Variants in STX8 observed in about 807,000 individuals in gnomAD.
STX8 encodes syntaxin 8, also known as syntaxin-8.
STX8 carries 23 observed loss-of-function variants against 37.5 expected under a neutral mutation model. That is an observed-to-expected ratio of 0.61 (90% CI 0.44 to 0.87). The LOEUF (loss-of-function observed/expected upper bound fraction) is 0.87. Among genes scored for constraint, STX8 ranks in the 40% least tolerant of loss-of-function variants. The pLI, the probability that STX8 is intolerant of heterozygous loss-of-function variation, is 0.00. For missense variants in STX8, 313 were observed against 284.7 expected (o/e 1.10, Z -0.71); for synonymous variants, 115 against 99.1 (o/e 1.16, Z -0.95).
chr17:9,457,857 C>T (rs928748166), intron 6 of STX8, among the ~76,000 whole-genome samples: 5 of 152,296 alleles, frequency 3.3e-5, no homozygotes, highest in Non-Finnish European at 5.9e-5. Flanking sequence ...TTGGCTGAAA[C>T]GGGTTACCTG....
At chr17:9,369,320 C>A (rs547722332) in intron 7 of STX8, among the ~76,000 whole-genome samples, 21 of 152,148 alleles carry the variant, frequency 1.4e-4, no homozygotes, top group African/African-American at 5.1e-4. Flanking sequence ...GAAAAAGGGG[C>A]CAAGAGATTT....
intron 6 of STX8, among the ~76,000 whole-genome samples, chr17:9,392,458 T>G (rs551118706): frequency 6.6e-6 from 1 of 152,046 alleles, no homozygotes; most frequent in East Asian, 1.9e-4. Flanking sequence ...AAATAAAAAA[T>G]TAGCTGGGCA....
intron 7 of STX8, among the ~76,000 whole-genome samples, chr17:9,324,086 C>CCTCT (rs149631075): frequency 2.1e-4 from 30 of 144,144 alleles, no homozygotes; most frequent in East Asian, 1.7e-3. Flanking sequence ...TCAGGGCATC[C>CCTCT]CTCTCTCTCT....
intron 6 of STX8, among the ~76,000 whole-genome samples, chr17:9,468,725 C>A (rs930251985): frequency 2.6e-5 from 4 of 152,198 alleles, no homozygotes; most frequent in African/African-American, 9.6e-5. Flanking sequence ...AAGGACCCGG[C>A]CTTCCCAGGG....
intron 7 of STX8, among the ~76,000 whole-genome samples, chr17:9,362,041 T>C (rs1056366320): frequency 2.0e-5 from 3 of 152,124 alleles, no homozygotes; most frequent in Non-Finnish European, 4.4e-5. Flanking sequence ...CTTTTAAACA[T>C]GTAACTAGGC....
At chr17:9,395,632 G>A (rs922100227) in intron 6 of STX8, among the ~76,000 whole-genome samples, 2 of 152,088 alleles carry the variant, frequency 1.3e-5, no homozygotes, top group African/African-American at 4.8e-5. Context: ...TAAGGTATAG[G>A]TCCTTTGGGT....
chr17:9,317,720 T>C (rs1909432520), intron 7 of STX8, among the ~76,000 whole-genome samples: 2 of 150,690 alleles, frequency 1.3e-5, no homozygotes, highest in Non-Finnish European at 2.9e-5. Context: ...GAGCCGAGAT[T>C]GCACCACTGC....
intron 6 of STX8, among the ~76,000 whole-genome samples, chr17:9,448,295 G>A (rs1316756605): frequency 6.6e-6 from 1 of 151,984 alleles, no homozygotes; most frequent in East Asian, 1.9e-4. Context: ...AGAGTCATTC[G>A]TGAACATGCA....
At chr17:9,333,561 G>A (rs1156320008) in intron 7 of STX8, among the ~76,000 whole-genome samples, 1 of 151,626 alleles carries the variant, frequency 6.6e-6, no homozygotes, top group Admixed American at 6.6e-5. Flanking sequence ...CTAATATTTT[G>A]TATTTTTTTA....
In STX8 at chr17:9,440,067, G is replaced by GTT. The variant is rs1156429684; in HGVS notation, c.541+51761_541+51762insAA. Among the ~76,000 whole-genome samples the GTT allele has an allele frequency of 1.2e-3, 176 of 152,238 alleles. 2 individuals are homozygous for GTT. Among genetic ancestry groups the GTT allele is most frequent in the African/African-American group, 4.2e-3 (173 of 41,530 alleles). ...AGCCTAAATATAGTGGTGGCATAAAGTAGGTCATTTCCAGAACCATGGAAA... is the reference window on the plus strand; with the variant it reads ...AGCCTAAATATAGTGGTGGCATAAAGTTTAGGTCATTTCCAGAACCATGGAAA... On this transcript the variant is annotated intron_variant, in intron 6 of 7. Coordinates refer to ENST00000306357, the MANE Select transcript of STX8 (RefSeq NM_004853.3).
chr17:9,514,374 G>A (rs758681847), intron 4 of STX8, among the ~76,000 whole-genome samples: 3 of 152,126 alleles, frequency 2.0e-5, no homozygotes, highest in East Asian at 1.9e-4. Context: ...GGAGGCCAAC[G>A]CAGGTGGATC....
At chr17:9,468,828 C>T (rs1043095270) in intron 6 of STX8, among the ~76,000 whole-genome samples, 3 of 152,148 alleles carry the variant, frequency 2.0e-5, no homozygotes, top group East Asian at 1.9e-4. Context: ...TTTCGGCACC[C>T]GGGCTTCCCA....
chr17:9,431,446 TTGTTTTG>T (rs1179654842), intron 6 of STX8, among the ~76,000 whole-genome samples: 1 of 146,842 alleles, frequency 6.8e-6, no homozygotes, highest in Non-Finnish European at 1.5e-5. Flanking sequence ...GTTGTTGTTG[TTGTTTTG>T]TTTTTTTTGT....
At chr17:9,414,784 T>C (rs1218876065) in intron 6 of STX8, among the ~76,000 whole-genome samples, 1 of 4,900 alleles carries the variant, frequency 2.0e-4, no homozygotes, top group African/African-American at 4.1e-4. Flanking sequence ...TGAGTTCTGC[T>C]TTTTTTTTTT....
intron 7 of STX8, among the ~76,000 whole-genome samples, chr17:9,325,155 C>T (rs1174405179): frequency 3.9e-5 from 6 of 152,046 alleles, no homozygotes; most frequent in Non-Finnish European, 8.8e-5. Context: ...TAGGCTAGGC[C>T]GAGCTATGAT....
chr17:9,384,221 G>T (rs576988089), intron 6 of STX8, among the ~76,000 whole-genome samples: 1 of 149,394 alleles, frequency 6.7e-6, no homozygotes, highest in African/African-American at 2.5e-5. Flanking sequence ...GACAGATATC[G>T]TACAGAATTT....
chr17:9,453,061 C>T (rs754336997), intron 6 of STX8, among the ~76,000 whole-genome samples: 4 of 152,178 alleles, frequency 2.6e-5, no homozygotes, highest in Non-Finnish European at 5.9e-5. Context: ...CCGCCTCGGC[C>T]TCCCAAAGTG....
intron 7 of STX8, among the ~76,000 whole-genome samples, chr17:9,262,255 A>G (rs1907065331): frequency 6.6e-6 from 1 of 152,248 alleles, no homozygotes; most frequent in African/African-American, 2.4e-5. Flanking sequence ...GTGGCCCAGT[A>G]GCCGTGTCTG....
At chr17:9,449,035 C>T (rs1597679299) in intron 6 of STX8, among the ~76,000 whole-genome samples, 1 of 152,278 alleles carries the variant, frequency 6.6e-6, no homozygotes, top group East Asian at 1.9e-4. Flanking sequence ...CTGAAACTCT[C>T]ATACACCACT....
Sources: allele counts gnomAD v4.1 joint callset (sites outside exome capture counted in the v4.1 genomes callset), GRCh38; gene constraint gnomAD v4.1.1; transcripts MANE v1.5; gene names NCBI Gene and HGNC (gene_info 2026-07-23, HGNC 2026-07-21).